The following MPND variants were observed in gnomAD, a reference collection of about 807,000 sequenced individuals.
The protein encoded by MPND is MPN domain-containing protein.
A neutral mutation model predicts 59.2 loss-of-function variants in MPND; 56 were observed. That is an observed-to-expected ratio of 0.95 (90% confidence interval 0.76 to 1.18). The LOEUF is 1.18. MPND is among the 50% of genes most tolerant of loss of function. The probability of loss-of-function intolerance (pLI) is 0.00; values close to 1 mark genes in which losing one functional copy is unlikely to be tolerated. For missense variants in MPND, 671 were observed against 676.0 expected (o/e 0.99, Z 0.08); for synonymous variants, 323 against 291.9 (o/e 1.11, Z -1.09).
chr19:4,359,860 C>T (rs888448167), intron 12 of MPND, 56 bp from the exon 13 acceptor site: 19 of 1,413,736 alleles, frequency 1.3e-5, no homozygotes, highest in Admixed American at 4.1e-5. Context: ...GACTGTGAGG[C>T]GCAGGGCTGG....
intron 3 of MPND, among the ~76,000 whole-genome samples, chr19:4,350,537 A>G (rs930741869): frequency 6.6e-6 from 1 of 152,208 alleles, no homozygotes; most frequent in African/African-American, 2.4e-5. Context: ...CAGGCCGACC[A>G]TGGAGCAGGG....
chr19:4,348,520 A>T (rs767599487), intron 3 of MPND: 1 of 151,922 alleles, frequency 6.6e-6, no homozygotes, highest in Non-Finnish European at 1.5e-5. Context: ...CGGCCTCCCA[A>T]AGTGCTGAGA....
chr19:4,343,823 C>T lies in MPND; in HGVS notation c.123C>T (p.Arg41=). 8.3e-7 allele frequency: 1 copy of T among 1,208,496 alleles called. No homozygotes were observed. Among genetic ancestry groups the T allele is most frequent in the Non-Finnish European group, 1.0e-6 (1 of 973,850 alleles). The allele number at this position is 1,208,496 out of a possible 1,614,324, so 74.9% of individuals were successfully genotyped here. The change falls in exon 2 of 13, where the codon CGC becomes CGT. Residue 41 remains arginine (R), a synonymous_variant. Transcript: ENST00000599840. Reference sequence around the variant, plus strand: ...CGAATGCGGGAGCGGGCGGTGGACGCAGTGGCGGCGGCGGCAGTAGCGTCA... The same window carrying T: ...CGAATGCGGGAGCGGGCGGTGGACGTAGTGGCGGCGGCGGCAGTAGCGTCA... ...ERPNAGAGGG[R]SGGGGSSVSG... is the part of the protein sequence containing the mutation.
chr19:4,352,238 G>C (rs1379260933), intron 3 of MPND, among the ~76,000 whole-genome samples: 2 of 152,088 alleles, frequency 1.3e-5, no homozygotes, highest in African/African-American at 4.8e-5. Context: ...TATGCCTGAG[G>C]TTGCAATTCT....
rs1454423644 is a variant in MPND, at chr19:4,358,127, C to T, written c.1281C>T (p.Ala427=). Residue 427 remains alanine, a synonymous_variant, in exon 11 of 13, where the codon GCC becomes GCT. Transcript: ENST00000599840. ...DYGIPMDVEM[A]YVQDSFLTND... The stretch of plus-strand genomic sequence containing the variant: ...GCATCCCCATGGATGTGGAGATGGC[C>T]TACGTCCAGGACAGCTTCCTGACCA... The T allele has an allele frequency of 6.4e-7, 1 of 1,551,526 alleles. No individual in the cohort carries two copies. The highest frequency in any genetic ancestry group is 2.4e-5 in the East Asian group (1 of 40,928).
intron 11 of MPND, chr19:4,358,448 G>A (rs1476831415): frequency 4.3e-6 from 2 of 465,192 alleles, no homozygotes; most frequent in African/African-American, 3.9e-5. Flanking sequence ...ACTTTGGGTG[G>A]TAACTGGATG....
chr19:4,357,500 CCT>C lies in MPND; in HGVS notation c.1166-9_1166-8del. ...GAGCCTCCCAGGGCCAACCCCTCTC[CCT>C]CTCTCCCGCCAGCCCCTTACTATTC... On this transcript the variant is annotated splice_polypyrimidine_tract_variant and intron_variant, in intron 9 of 12. Coordinates refer to ENST00000599840, the MANE Select transcript of MPND (RefSeq NM_001300862.2). The C allele has an allele frequency of 6.2e-7, 1 of 1,612,468 alleles. No homozygotes were observed. The highest frequency in any genetic ancestry group is 8.5e-7 in the Non-Finnish European group (1 of 1,179,346).
At chr19:4,347,704 AG>A in intron 3 of MPND, 1 of 679,334 alleles carries the variant, frequency 1.5e-6, no homozygotes, top group Non-Finnish European at 2.3e-6. Flanking sequence ...ACTCATTGCA[AG>A]GAAATCCTCA....
At chr19:4,352,864 C>A (rs771507468) in intron 3 of MPND, 33 bp from the exon 4 acceptor site, 1 of 1,324,650 alleles carries the variant, frequency 7.5e-7, no homozygotes, top group Non-Finnish European at 9.7e-7. Context: ...AGCTGAGGGT[C>A]CCACCGCTGT....
At chr19:4,352,807 A>T in intron 3 of MPND, 90 bp from the exon 4 acceptor site, 1 of 1,274,218 alleles carries the variant, frequency 7.8e-7, no homozygotes, top group East Asian at 2.9e-5. Flanking sequence ...CTTACGGCTT[A>T]GGCCAAAGGG....
intron 11 of MPND, among the ~76,000 whole-genome samples, chr19:4,358,933 A>G (rs753754642): frequency 2.2e-4 from 33 of 151,976 alleles, no homozygotes; most frequent in Non-Finnish European, 4.6e-4. Context: ...GTCCAGGTGG[A>G]CCTCTCGTGG....
intron 5 of MPND, 46 bp from the exon 6 acceptor site, chr19:4,354,278 G>C: frequency 6.5e-7 from 1 of 1,530,674 alleles, no homozygotes; most frequent in Non-Finnish European, 8.9e-7. Flanking sequence ...GGCGAGGGAA[G>C]AGCCTGGGGA....
At chr19:4,356,981 T>G in intron 8 of MPND, 7 of 350,398 alleles carry the variant, frequency 2.0e-5, no homozygotes, top group East Asian at 4.4e-5. Flanking sequence ...GTGGCGACCA[T>G]TATTCTGTAA....
chr19:4,358,455 G>T, intron 11 of MPND: 1 of 451,704 alleles, frequency 2.2e-6, no homozygotes. Context: ...GTGGTAACTG[G>T]ATGAACACTT....
At chr19:4,349,803 T>C (rs1026487644) in intron 3 of MPND, among the ~76,000 whole-genome samples, 1 of 152,190 alleles carries the variant, frequency 6.6e-6, no homozygotes, top group African/African-American at 2.4e-5. Flanking sequence ...GAGCCAGCCA[T>C]GGAGCCTGGT....
At chr19:4,354,202 CA>C in intron 5 of MPND, 73 bp downstream of exon 5, 1 of 1,538,338 alleles carries the variant, frequency 6.5e-7, no homozygotes. Context: ...GTAGCAAGGG[CA>C]GGGGTGGGGG....
At position 4,359,512 on chromosome 19, in the gene MPND, G is replaced by T. The variant is rs575433848; in HGVS notation, c.1419+257G>T. ...TTTGGGAGTGGCTCCCCTGCAGAGG[G>T]CCCAGGGTCCTGGCCACCCCTGAGT... On this transcript the variant is annotated intron_variant, in intron 12 of 12. Coordinates refer to ENST00000599840, the MANE Select transcript of MPND (RefSeq NM_001300862.2). Among the ~76,000 whole-genome samples, 521 of 152,228 alleles carry T rather than the reference G, an allele frequency of 3.4e-3. 3 individuals carry two copies. The highest frequency in any genetic ancestry group is 6.8e-3 in the Middle Eastern group (2 of 294).
In MPND at chr19:4,343,617, G is replaced by C; in HGVS notation, c.7+17G>C. On this transcript the variant is annotated intron_variant, in intron 1 of 12. Coordinates refer to ENST00000599840, the MANE Select transcript of MPND (RefSeq NM_001300862.2). ...CCATGGCAGGTACGGCGGGCCCAGC[G>C]GGGCGGAGGCGCGGGGCGCGGGGCT... 1 of 1,214,872 alleles carries C rather than the reference G, an allele frequency of 8.2e-7. No homozygotes were observed. Among genetic ancestry groups the C allele is most frequent in the Non-Finnish European group, 1.0e-6 (1 of 977,198 alleles). 75.3% of individuals were successfully genotyped at this position (1,214,872 alleles called of 1,614,324 possible). A position where few individuals can be genotyped will look rare whatever the true frequency, so the allele number is the denominator to read the frequency against.
At chr19:4,350,141 G>A (rs1568396620) in intron 3 of MPND, among the ~76,000 whole-genome samples, 1 of 152,132 alleles carries the variant, frequency 6.6e-6, no homozygotes, top group Non-Finnish European at 1.5e-5. Flanking sequence ...TGGGGAGGGA[G>A]GGAGGGTGCC....
Sources: allele counts gnomAD v4.1 joint callset (sites outside exome capture counted in the v4.1 genomes callset), GRCh38; gene constraint gnomAD v4.1.1; transcripts MANE v1.5; gene names NCBI Gene and HGNC (gene_info 2026-07-23, HGNC 2026-07-21).